Variants in RBFOX1 observed in about 807,000 individuals in gnomAD.
RBFOX1 encodes the protein RNA binding protein fox-1 homolog 1.
Under a neutral mutation model 57.7 loss-of-function variants are expected in RBFOX1, and 8 were observed. The observed-to-expected ratio is 0.14, with a 90% CI of 0.08 to 0.25. The LOEUF is 0.25. Ranked by LOEUF, RBFOX1 falls within the 10% of genes least tolerant of loss-of-function variation. RBFOX1 has a pLI of 1.00. For missense variants in RBFOX1, 611 were observed against 548.5 expected, an observed-to-expected ratio of 1.11 and a Z score of -1.14; for synonymous variants, 326 against 222.4, an observed-to-expected ratio of 1.47 and a Z score of -4.15.
chr16:6,068,392 C>T (rs2095794329), intron 1 of RBFOX1, among the ~76,000 whole-genome samples: 1 of 152,196 alleles, frequency 6.6e-6, no homozygotes, highest in Non-Finnish European at 1.5e-5. Flanking sequence ...TGCCTTTATA[C>T]AAAGGCTGGA....
chr16:5,461,358 C>G (rs1363758494), intron 1 of RBFOX1, among the ~76,000 whole-genome samples: 1 of 152,158 alleles, frequency 6.6e-6, no homozygotes, highest in Non-Finnish European at 1.5e-5. Flanking sequence ...GCCTCCTTTC[C>G]CCTGGAGGCA....
At chr16:5,936,285 G>A (rs1426465532) in intron 4 of RBFOX1, among the ~76,000 whole-genome samples, 5 of 152,086 alleles carry the variant, frequency 3.3e-5, no homozygotes, top group Admixed American at 2.0e-4. Context: ...CAACGTGCCT[G>A]GCTAATTTTT....
intron 3 of RBFOX1, among the ~76,000 whole-genome samples, chr16:5,785,391 A>C (rs2054465375): frequency 6.6e-6 from 1 of 152,142 alleles, no homozygotes. Context: ...GTGGTGGGGC[A>C]GGAAATGAAG....
intron 1 of RBFOX1, among the ~76,000 whole-genome samples, chr16:6,254,765 T>A (rs1359609418): frequency 6.6e-6 from 1 of 152,182 alleles, no homozygotes; most frequent in Admixed American, 6.5e-5. Context: ...ACAATATATT[T>A]CTGTCTTCTG....
intron 4 of RBFOX1, among the ~76,000 whole-genome samples, chr16:7,212,549 C>T (rs948785787): frequency 3.9e-5 from 6 of 152,014 alleles, no homozygotes; most frequent in African/African-American, 1.2e-4. Context: ...CAGTCCTGGG[C>T]ACGAACATTT....
At chr16:6,545,645 G>A (rs2096884497) in intron 2 of RBFOX1, among the ~76,000 whole-genome samples, 1 of 152,178 alleles carries the variant, frequency 6.6e-6, no homozygotes, top group Admixed American at 6.5e-5. Flanking sequence ...TTATTGATGT[G>A]GTGCTTGTTA....
chr16:6,972,830 C>G (rs2085885922), intron 3 of RBFOX1, among the ~76,000 whole-genome samples: 1 of 151,876 alleles, frequency 6.6e-6, no homozygotes, highest in Admixed American at 6.6e-5. Context: ...TTCAATAAAA[C>G]CAGAGACAAG....
intron 5 of RBFOX1, among the ~76,000 whole-genome samples, chr16:7,519,419 C>G (rs1302193608): frequency 2.6e-5 from 4 of 151,976 alleles, no homozygotes; most frequent in Non-Finnish European, 5.9e-5. Context: ...ACTTTATACG[C>G]CATAAAGAGT....
intron 1 of RBFOX1, among the ~76,000 whole-genome samples, chr16:5,346,739 G>A (rs1366410200): frequency 1.3e-5 from 2 of 152,294 alleles, no homozygotes; most frequent in South Asian, 2.1e-4. Context: ...AGGATGTAAC[G>A]GTTAAGAGCA....
rs547613105 is a variant in RBFOX1, at chr16:7,003,931, A to C, written c.-15-48126A>C. The C allele has an allele frequency of 1.6e-3, 245 of 149,492 alleles. 1 individual carries two copies. The highest frequency in any genetic ancestry group is 5.8e-3 in the African/African-American group (229 of 39,580). The allele number at this position is 149,492 out of a possible 1,614,324, so 9.3% of individuals were successfully genotyped here. A position where few individuals can be genotyped will look rare whatever the true frequency, so the allele number is the denominator to read the frequency against. ...AATGGTCATTAGGAGAACTGTCAAT[A>C]AATTTATCTGCTTTCTTTTAAAAAA... On this transcript the variant is annotated intron_variant, in intron 3 of 15. Coordinates refer to ENST00000550418, the MANE Select transcript of RBFOX1 (RefSeq NM_018723.4).
chr16:5,544,140 A>G (rs145180759), intron 2 of RBFOX1, among the ~76,000 whole-genome samples: 2 of 152,280 alleles, frequency 1.3e-5, no homozygotes, highest in East Asian at 3.9e-4. Context: ...CAGAGCATTT[A>G]CCCAAATTTT....
chr16:5,640,863 TACAC>T (rs939463469), intron 3 of RBFOX1, among the ~76,000 whole-genome samples: 24 of 137,568 alleles, frequency 1.7e-4, no homozygotes, highest in Admixed American at 5.8e-4. Flanking sequence ...ACACCATGGA[TACAC>T]ACACACACAC....
In RBFOX1 at chr16:6,457,730, C is replaced by T. The variant is rs555643286; in HGVS notation, c.-64+140673C>T. Among the ~76,000 whole-genome samples, 14 of 152,220 alleles carry T rather than the reference C, an allele frequency of 9.2e-5. 1 individual carries two copies. The South Asian group carries it at 2.5e-3, about 27-fold the overall frequency. ...CTGCTAGGATGAATGATAATGTGGA[C>T]CCCGGTGATTTGCTGTCCTTCATCG... is the stretch of plus-strand genomic sequence containing the variant. On this transcript the variant is annotated intron_variant, in intron 2 of 15. Transcript: ENST00000550418.
At position 7,630,668 on chromosome 16, in the gene RBFOX1, G is replaced by A; in HGVS notation, c.742G>A (p.Val248Ile). The A allele has an allele frequency of 6.2e-7, 1 of 1,614,140 alleles. No individual in the cohort carries two copies. The highest frequency in any genetic ancestry group is 8.5e-7 in the Non-Finnish European group (1 of 1,180,018). Residue 248 changes from valine (V) to isoleucine (I), a missense_variant, in exon 11 of 16, where the codon GTA becomes ATA. Transcript: ENST00000550418. ...CATGTACAGTGCCCCCAGTTCACTT[G>A]TATATACTTCTGCAAGTAAGCCCAC... is the stretch of plus-strand genomic sequence containing the variant. ...SSMYSAPSSL[V>I]YTSAMPGFPY...
At chr16:6,727,050 A>AACACACACCCACACACACACACAC (rs2067360026) in intron 3 of RBFOX1, among the ~76,000 whole-genome samples, 1 of 135,790 alleles carries the variant, frequency 7.4e-6, no homozygotes, top group African/African-American at 2.7e-5. Context: ...ATTTGGACTG[A>AACACACACCCACACACACACACAC]ACACACACAC....
chr16:6,331,269 A>G (rs1421526486), intron 2 of RBFOX1, among the ~76,000 whole-genome samples: 2 of 152,112 alleles, frequency 1.3e-5, no homozygotes, highest in African/African-American at 4.8e-5. Flanking sequence ...AACATGGTGA[A>G]ATCCTATCTC....
chr16:6,520,886 G>T (rs1311974885), intron 2 of RBFOX1, among the ~76,000 whole-genome samples: 1 of 151,782 alleles, frequency 6.6e-6, no homozygotes, highest in African/African-American at 2.4e-5. Flanking sequence ...AGACGTTGCT[G>T]AGAGAAAAAA....
intron 4 of RBFOX1, among the ~76,000 whole-genome samples, chr16:7,481,752 A>C (rs79300417): frequency 0.039 from 5,885 of 152,270 alleles, 374 homozygotes; most frequent in African/African-American, 0.13. Flanking sequence ...CATAAGTAGA[A>C]AACATAATAA....
chr16:5,450,672 C>T (rs897163449), intron 1 of RBFOX1, among the ~76,000 whole-genome samples: 2 of 152,160 alleles, frequency 1.3e-5, no homozygotes, highest in African/African-American at 4.8e-5. Context: ...AGGTCAGAGT[C>T]AGGGAGGAAA....
Sources: allele counts gnomAD v4.1 joint callset (sites outside exome capture counted in the v4.1 genomes callset), GRCh38; gene constraint gnomAD v4.1.1; transcripts MANE v1.5; gene names NCBI Gene and HGNC (gene_info 2026-07-23, HGNC 2026-07-21).